PDGFRL: variants seen among roughly 807,000 people sequenced by gnomAD.
The protein encoded by PDGFRL is platelet-derived growth factor receptor-like protein.
PDGFRL carries 46 observed loss-of-function variants against 37.2 expected under a neutral mutation model. That is an observed-to-expected ratio of 1.24 (90% confidence interval 0.98 to 1.58). The LOEUF is 1.58. Ranked by LOEUF, PDGFRL falls within the 40% of genes most tolerant of loss-of-function variation. The pLI, the probability that PDGFRL is intolerant of heterozygous loss-of-function variation, is 0.00. For missense variants in PDGFRL, 692 were observed against 467.6 expected (o/e 1.48, Z -4.43); for synonymous variants, 251 against 184.3 (o/e 1.36, Z -2.93).
intron 1 of PDGFRL, among the ~76,000 whole-genome samples, chr8:17,586,544 G>C (rs1009648604): frequency 5.3e-5 from 8 of 152,292 alleles, no homozygotes; most frequent in Middle Eastern, 6.8e-3. Context: ...CTACCTTCTT[G>C]ATGACCTGGA....
At chr8:17,616,766 T>G (rs576528558) in intron 2 of PDGFRL, among the ~76,000 whole-genome samples, 1 of 152,258 alleles carries the variant, frequency 6.6e-6, no homozygotes, top group Admixed American at 6.5e-5. Flanking sequence ...CATCATTGCA[T>G]CCCTCCTGTC....
chr8:17,586,126 T>C (rs1245267187), intron 1 of PDGFRL, among the ~76,000 whole-genome samples: 1 of 148,598 alleles, frequency 6.7e-6, no homozygotes, highest in African/African-American at 2.5e-5. Context: ...TACTTTTTTG[T>C]ATTTTTTGGA....
chr8:17,621,010 A>G (rs772971931), intron 2 of PDGFRL, 41 bp from the exon 3 acceptor site: 3 of 1,526,588 alleles, frequency 2.0e-6, no homozygotes, highest in Non-Finnish European at 2.7e-6. Flanking sequence ...GGCCCCAGCC[A>G]GGTCTGACTT....
chr8:17,624,177 T>G (rs1804689568), intron 3 of PDGFRL, among the ~76,000 whole-genome samples: 1 of 152,198 alleles, frequency 6.6e-6, no homozygotes, highest in African/African-American at 2.4e-5. Context: ...TTACAGAAGC[T>G]GAGGTTCTCA....
At chr8:17,614,573 G>C (rs539587136) in intron 2 of PDGFRL, among the ~76,000 whole-genome samples, 1 of 152,274 alleles carries the variant, frequency 6.6e-6, no homozygotes, top group South Asian at 2.1e-4. Flanking sequence ...GGATATTTAT[G>C]TTTTAATTTT....
At chr8:17,612,896 T>G (rs955795683) in intron 2 of PDGFRL, among the ~76,000 whole-genome samples, 33 of 152,200 alleles carry the variant, frequency 2.2e-4, no homozygotes, top group African/African-American at 8.0e-4. Flanking sequence ...ATTTTTTATG[T>G]GTAAAGTTAT....
At chr8:17,614,957 G>A (rs1033350744) in intron 2 of PDGFRL, among the ~76,000 whole-genome samples, 5 of 152,180 alleles carry the variant, frequency 3.3e-5, no homozygotes, top group Admixed American at 6.5e-5. Context: ...CACCTGCCAC[G>A]TGGGGTTAAT....
chr8:17,638,183 G>C (rs1240587485), intron 5 of PDGFRL, among the ~76,000 whole-genome samples: 1 of 152,108 alleles, frequency 6.6e-6, no homozygotes, highest in Non-Finnish European at 1.5e-5. Context: ...GTCATTTAAT[G>C]CTATGAACTT....
intron 5 of PDGFRL, among the ~76,000 whole-genome samples, chr8:17,641,139 G>A (rs553729563): frequency 3.0e-4 from 45 of 152,276 alleles, no homozygotes; most frequent in East Asian, 5.8e-4. Flanking sequence ...CAACAGCACC[G>A]AGTTTGTTTC....
intron 1 of PDGFRL, among the ~76,000 whole-genome samples, chr8:17,577,937 A>AT (rs1200530478): frequency 7.9e-5 from 12 of 151,776 alleles, no homozygotes; most frequent in African/African-American, 2.4e-4. Context: ...AAGAAAATGC[A>AT]TTTTTTTGGT....
chr8:17,628,903 G>T (rs1804796826), intron 4 of PDGFRL, 123 bp downstream of exon 4: 4 of 657,828 alleles, frequency 6.1e-6, no homozygotes, highest in African/African-American at 5.5e-5. Context: ...ATTGTTGTTG[G>T]GTTGTTGTTG....
chr8:17,586,207 G>T (rs1486938129), intron 1 of PDGFRL, among the ~76,000 whole-genome samples: 1 of 152,164 alleles, frequency 6.6e-6, no homozygotes, highest in Non-Finnish European at 1.5e-5. Context: ...ACCTTCCTTG[G>T]CCTCTCAGAG....
At chr8:17,630,239 C>A (rs1021867616) in intron 4 of PDGFRL, among the ~76,000 whole-genome samples, 1 of 152,212 alleles carries the variant, frequency 6.6e-6, no homozygotes, top group African/African-American at 2.4e-5. Context: ...TCCAGTTGGC[C>A]TTACTCCCTT....
chr8:17,598,785 G>A (rs917631435), intron 2 of PDGFRL, among the ~76,000 whole-genome samples: 4 of 152,048 alleles, frequency 2.6e-5, no homozygotes, highest in African/African-American at 9.7e-5. Context: ...AATCATAAGG[G>A]CAGTTCCCCC....
intron 5 of PDGFRL, among the ~76,000 whole-genome samples, chr8:17,638,633 A>G (rs1038310687): frequency 6.6e-6 from 1 of 150,520 alleles, no homozygotes; most frequent in Non-Finnish European, 1.5e-5. Flanking sequence ...TCTATTGCTG[A>G]CAGTGGAGTA....
At chr8:17,601,712 A>G (rs1804170086) in intron 2 of PDGFRL, among the ~76,000 whole-genome samples, 1 of 152,114 alleles carries the variant, frequency 6.6e-6, no homozygotes, top group African/African-American at 2.4e-5. Context: ...AAGTGAGAGC[A>G]TGTGGTATTT....
chr8:17,591,708 A>G (rs1474543476), intron 2 of PDGFRL, among the ~76,000 whole-genome samples: 3 of 152,116 alleles, frequency 2.0e-5, no homozygotes, highest in Non-Finnish European at 4.4e-5. Context: ...CATGAGGTCA[A>G]GAGATTGATA....
chr8:17,618,069 A>T (rs1804563458), intron 2 of PDGFRL, among the ~76,000 whole-genome samples: 1 of 149,322 alleles, frequency 6.7e-6, no homozygotes. Context: ...TTTATTTTTT[A>T]TTTTTTAAGT....
chr8:17,608,214 C>G (rs569010601), intron 2 of PDGFRL, among the ~76,000 whole-genome samples: 19 of 152,300 alleles, frequency 1.2e-4, no homozygotes, highest in African/African-American at 4.1e-4. Flanking sequence ...ATCCTACTGT[C>G]CAAAGCACTC....
Sources: allele counts gnomAD v4.1 joint callset (sites outside exome capture counted in the v4.1 genomes callset), GRCh38; gene constraint gnomAD v4.1.1; transcripts MANE v1.5; gene names NCBI Gene and HGNC (gene_info 2026-07-23, HGNC 2026-07-21).